DIPK1B: variants seen among roughly 807,000 people sequenced by gnomAD.
DIPK1B encodes the protein divergent protein kinase domain 1B.
Under a neutral mutation model 20.7 loss-of-function variants are expected in DIPK1B, and 17 were observed. The ratio of observed to expected loss-of-function variants is 0.82; its 90% CI spans 0.56 to 1.23. The LOEUF (loss-of-function observed/expected upper bound fraction) is 1.23, where lower values mean the gene tolerates loss of function less well. DIPK1B is among the 50% of genes most tolerant of loss of function. DIPK1B has a pLI of 0.00. For missense variants in DIPK1B, 648 were observed against 601.8 expected, an observed-to-expected ratio of 1.08 and a Z score of -0.80; for synonymous variants, 343 against 276.5, an observed-to-expected ratio of 1.24 and a Z score of -2.39.
intron 4 of DIPK1B, 177 bp downstream of exon 4, chr9:136,722,478 CAGGGCTGGGGGCA>C: frequency 1.2e-6 from 1 of 803,546 alleles, no homozygotes; most frequent in Non-Finnish European, 1.9e-6. Context: ...GGAGCCTCTC[CAGGGCTGGGGGCA>C]AGGGTTGGGG....
chr9:136,718,857 A>G (rs1176524971), intron 2 of DIPK1B, among the ~76,000 whole-genome samples: 1 of 152,194 alleles, frequency 6.6e-6, no homozygotes, highest in Non-Finnish European at 1.5e-5. Flanking sequence ...GGAAAGGCCC[A>G]GATGTGGCAG....
rs574545466 is a variant in DIPK1B, at chr9:136,722,345, GGTCATATGCCCA to G, written c.483+46_483+57del. 647 of 1,581,672 alleles carry G rather than the reference GGTCATATGCCCA, an allele frequency of 4.1e-4. 11 individuals are homozygous for G. In the East Asian group the frequency reaches 0.014, roughly 33 times the overall value. ...GGGGCAGGGCAGGAGTCCACACCACGGTCATATGCCCAGCAGGCGGCCCTGGCACCAACATGC... is the reference window on the plus strand; with the variant it reads ...GGGGCAGGGCAGGAGTCCACACCACGGCAGGCGGCCCTGGCACCAACATGC... On this transcript the variant is annotated intron_variant, in intron 4 of 4. Transcript: ENST00000371692.
chr9:136,722,901 A>G, intron 4 of DIPK1B, 61 bp from the exon 5 acceptor site: 1 of 1,486,804 alleles, frequency 6.7e-7, no homozygotes, highest in Non-Finnish European at 9.0e-7. Context: ...GGTAAAGGCC[A>G]GGTCGTGCTC....
At chr9:136,719,686 T>TGGTAGGTGCC (rs1292013239) in intron 2 of DIPK1B, among the ~76,000 whole-genome samples, 1 of 152,182 alleles carries the variant, frequency 6.6e-6, no homozygotes, top group Admixed American at 6.5e-5. Flanking sequence ...TGCTAGGTGC[T>TGGTAGGTGCC]GGTAGGTGCC....
chr9:136,721,957 G>A lies in DIPK1B; in HGVS notation c.235G>A (p.Val79Ile), dbSNP rs148210033. The stretch of plus-strand genomic sequence containing the variant: ...CCGCAAGGGGATCATCTCGGGCTCC[G>A]TCTGCCAGGACCTGTGTGAGCTGCA... ...QYRKGIISGS[V>I]CQDLCELHMV... The change falls in exon 3 of 5, where the codon GTC becomes ATC. Residue 79 changes from valine to isoleucine, a missense_variant. Coordinates refer to ENST00000371692, the MANE Select transcript of DIPK1B (RefSeq NM_152421.4). 107 of 1,613,558 alleles carry A rather than the reference G, an allele frequency of 6.6e-5. No individual in the cohort carries two copies. Among genetic ancestry groups the A allele is most frequent in the East Asian group, 3.8e-4 (17 of 44,866 alleles).
intron 1 of DIPK1B, 134 bp from the exon 2 acceptor site, chr9:136,717,443 T>G: frequency 9.9e-7 from 1 of 1,005,640 alleles, no homozygotes; most frequent in South Asian, 1.6e-5. Flanking sequence ...AAGACGGGGG[T>G]GCCAGGGGGC....
chr9:136,719,946 AGGGGGCTG>A (rs1398976034), intron 2 of DIPK1B, among the ~76,000 whole-genome samples: 1 of 124,276 alleles, frequency 8.0e-6, no homozygotes, highest in African/African-American at 3.0e-5. Flanking sequence ...CTCCGGGTGC[AGGGGGCTG>A]TGTGGGCTGG....
At position 136,723,419 on chromosome 9, in the gene DIPK1B, C is replaced by T. The variant is rs1361784523; in HGVS notation, c.941C>T (p.Ala314Val). Residue 314 changes from alanine (A) to valine (V), a missense_variant, in exon 5 of 5, where the codon GCC becomes GTC. Transcript: ENST00000371692. Reference protein sequence around the residue: ...GYTATYDFKMADLQQVAPEAT... With the variant: ...GYTATYDFKMVDLQQVAPEAT... ...ACAGCCACCTACGACTTCAAGATGG[C>T]CGACCTGCAGCAGGTGGCACCCGAG... is the stretch of plus-strand genomic sequence containing the variant. 3 of 1,612,322 alleles carry T rather than the reference C, an allele frequency of 1.9e-6. No homozygotes were observed. Among genetic ancestry groups the T allele is most frequent in the Admixed American group, 3.3e-5 (2 of 59,982 alleles).
At chr9:136,715,766 G>A (rs536468224) in intron 1 of DIPK1B, among the ~76,000 whole-genome samples, 27 of 152,120 alleles carry the variant, frequency 1.8e-4, no homozygotes, top group South Asian at 6.2e-4. Context: ...TGCCTGCCTC[G>A]GCCTCCCAAA....
chr9:136,718,062 C>T (rs1452063558), intron 2 of DIPK1B, among the ~76,000 whole-genome samples: 2 of 152,080 alleles, frequency 1.3e-5, no homozygotes, highest in Admixed American at 6.5e-5. Flanking sequence ...CTCACTGCTC[C>T]GGGATAGAGA....
In DIPK1B at chr9:136,723,476, G is replaced by A. The variant is rs369842977; in HGVS notation, c.998G>A (p.Arg333His). ...GTGCGCCGCTTCCTGCAGGGCCGCC[G>A]CTGCGAGCACAGCACCGACTGCACC... ...ATVRRFLQGR[R>H]CEHSTDCTYG... Residue 333 changes from arginine to histidine, a missense_variant, in exon 5 of 5, where the codon CGC becomes CAC. Arg to His is a conservative substitution (Grantham distance 29). Transcript: ENST00000371692. 15 of 1,610,202 alleles carry A rather than the reference G, an allele frequency of 9.3e-6. No individual in the cohort carries two copies. The highest frequency in any genetic ancestry group is 3.3e-4 in the Middle Eastern group (2 of 6,056).
intron 4 of DIPK1B, chr9:136,722,563 A>G: frequency 1.7e-6 from 1 of 578,214 alleles, no homozygotes. Context: ...CCGTGTGTCC[A>G]GCAGGGCAGG....
At chr9:136,722,729 G>T in intron 4 of DIPK1B, 1 of 600,696 alleles carries the variant, frequency 1.7e-6, no homozygotes, top group East Asian at 2.8e-5. Context: ...TGCACCCAAG[G>T]CTGCCAGGAG....
chr9:136,717,766 T>C (rs1052164178), intron 2 of DIPK1B, 55 bp downstream of exon 2: 14 of 1,601,428 alleles, frequency 8.7e-6, no homozygotes, highest in Non-Finnish European at 1.2e-5. Flanking sequence ...CTGCCCAAGA[T>C]GCTGGGGCAC....
chr9:136,721,667 G>T (rs990649047), intron 2 of DIPK1B: 2 of 502,756 alleles, frequency 4.0e-6, no homozygotes, highest in East Asian at 7.0e-5. Context: ...TTGCTGTGCC[G>T]TCCTGTTACA....
chr9:136,723,552 G>A lies in DIPK1B; in HGVS notation c.1074G>A (p.Lys358=). The stretch of plus-strand genomic sequence containing the variant: ...GTGACAGGCTCATGAGGCAGTGCAA[G>A]GGCGACCTCATCCAGCCCAACCTGG... ...APCDRLMRQC[K]GDLIQPNLAK... is the part of the protein sequence containing the mutation. Residue 358 remains lysine, a synonymous_variant, in exon 5 of 5, where the codon AAG becomes AAA. Coordinates refer to ENST00000371692, the MANE Select transcript of DIPK1B (RefSeq NM_152421.4). 1.3e-6 allele frequency: 2 copies of A among 1,598,730 alleles called. No individual in the cohort carries two copies. Among genetic ancestry groups the A allele is most frequent in the South Asian group, 1.1e-5 (1 of 89,166 alleles).
intron 4 of DIPK1B, 22 bp downstream of exon 4, chr9:136,722,323 G>GC: frequency 6.2e-7 from 1 of 1,603,880 alleles, no homozygotes; most frequent in African/African-American, 1.3e-5. Flanking sequence ...CTCCTAGGGG[G>GC]CAGGGCAGGA....
At chr9:136,718,052 C>T (rs1377110530) in intron 2 of DIPK1B, among the ~76,000 whole-genome samples, 1 of 152,136 alleles carries the variant, frequency 6.6e-6, no homozygotes, top group Admixed American at 6.5e-5. Context: ...GGCAGCTGGC[C>T]TCACTGCTCC....
At chr9:136,714,803 CT>C (rs1846473992) in intron 1 of DIPK1B, among the ~76,000 whole-genome samples, 1 of 152,248 alleles carries the variant, frequency 6.6e-6, no homozygotes, top group Non-Finnish European at 1.5e-5. Flanking sequence ...GGTCTGGGCC[CT>C]TCCCCAGCTG....
Sources: allele counts gnomAD v4.1 joint callset (sites outside exome capture counted in the v4.1 genomes callset), GRCh38; gene constraint gnomAD v4.1.1; transcripts MANE v1.5; gene names NCBI Gene and HGNC (gene_info 2026-07-23, HGNC 2026-07-21).